The following CLN6 variants were observed in gnomAD, a reference collection of about 807,000 sequenced individuals.
CLN6 encodes the protein CLN6 transmembrane ER protein.
In CLN6, 22 loss-of-function variants were observed where a neutral mutation model predicts 33.3. The observed-to-expected ratio is 0.66, with a 90% CI of 0.47 to 0.94. CLN6 has a LOEUF of 0.94. Among genes scored for constraint, CLN6 ranks in the 40% least tolerant of loss-of-function variants. The pLI is 0.00. For missense variants in CLN6, 387 were observed against 417.1 expected, an observed-to-expected ratio of 0.93 and a Z score of 0.63; for synonymous variants, 201 against 174.6, an observed-to-expected ratio of 1.15 and a Z score of -1.19.
In CLN6 at chr15:68,209,844, T is replaced by C; in HGVS notation, c.543-85A>G. ...CTGCAACCACTCCCATGGGGTCTCA[T>C]GGAGTGCCACGTCACAGTTTACAAA... On this transcript the variant is annotated intron_variant, in intron 5 of 6. Coordinates refer to ENST00000249806, the MANE Select transcript of CLN6 (RefSeq NM_017882.3). This position sits in a 1 kb window ranked among gnomAD's most constrained non-coding sequence, Gnocchi z 4.9. The C allele has an allele frequency of 3.2e-6, 5 of 1,566,010 alleles. No individual in the cohort carries two copies. The highest frequency in any genetic ancestry group is 4.4e-6 in the Non-Finnish European group (5 of 1,143,538).
At chr15:68,237,142 C>T (rs1056400150) in intron 1 of CLN6, among the ~76,000 whole-genome samples, 2 of 122,142 alleles carry the variant, frequency 1.6e-5, no homozygotes, top group African/African-American at 3.3e-5. Flanking sequence ...CCGGCCTGGG[C>T]GACAGAGCGA....
Position 68,227,022 on chromosome 15 carries a change from C to T in CLN6, c.83+2480G>A, listed in dbSNP as rs2093254210. ...TTTATCACGGGCACTAATTATAATA[C>T]TTTCTTTTCTTTTCTTTTTTTACTT... is the stretch of plus-strand genomic sequence containing the variant. On this transcript the variant is annotated intron_variant, in intron 1 of 6. Coordinates refer to ENST00000249806, the MANE Select transcript of CLN6 (RefSeq NM_017882.3). This position sits in a 1 kb window ranked among gnomAD's most constrained non-coding sequence, Gnocchi z 4.1. Among the ~76,000 whole-genome samples the T allele has an allele frequency of 6.6e-6, 1 of 151,546 alleles. No homozygotes were observed. The highest frequency in any genetic ancestry group is 1.5e-5 in the Non-Finnish European group (1 of 67,884).
At position 68,211,958 on chromosome 15, in the gene CLN6, G is replaced by A. The variant is rs1295924163; in HGVS notation, c.298-95C>T. The A allele has an allele frequency of 1.5e-5, 19 of 1,274,448 alleles. No individual in the cohort carries two copies. Among genetic ancestry groups the A allele is most frequent in the Non-Finnish European group, 1.8e-5 (16 of 905,694 alleles). 78.9% of individuals were successfully genotyped at this position (1,274,448 alleles called of 1,614,324 possible). A position where few individuals can be genotyped will look rare whatever the true frequency, so the allele number is the denominator to read the frequency against. The stretch of plus-strand genomic sequence containing the variant: ...CCCTCACACCTGGGGTGGGATGGAC[G>A]CTTCCAGCTGGAATGTCACTCCAAA... On this transcript the variant is annotated intron_variant, in intron 3 of 6. Transcript: ENST00000249806. This position sits in a 1 kb window ranked among gnomAD's most constrained non-coding sequence, Gnocchi z 5.9.
chr15:68,254,080 C>T (rs541340055), intron 1 of CLN6, among the ~76,000 whole-genome samples: 3 of 150,926 alleles, frequency 2.0e-5, no homozygotes, highest in Admixed American at 1.3e-4. Flanking sequence ...GGGGTTTCAC[C>T]GTGTTAGCCA....
At chr15:68,237,271 G>C (rs1892230018) in intron 1 of CLN6, among the ~76,000 whole-genome samples, 2 of 151,172 alleles carry the variant, frequency 1.3e-5, no homozygotes, top group Admixed American at 6.6e-5. Flanking sequence ...CTTGAGGCTA[G>C]GAGTTCAAGA....
At chr15:68,221,429 G>A (rs963369105) in intron 1 of CLN6, among the ~76,000 whole-genome samples, 8 of 151,844 alleles carry the variant, frequency 5.3e-5, no homozygotes, top group African/African-American at 1.5e-4. Flanking sequence ...ACGGGGTTTC[G>A]CCGTGTTGAC....
At chr15:68,222,344 G>C (rs1255161507) in intron 1 of CLN6, among the ~76,000 whole-genome samples, 2 of 147,720 alleles carry the variant, frequency 1.4e-5, no homozygotes, top group African/African-American at 2.5e-5. Context: ...GTCTGTCTGG[G>C]AGGTGAGAAG....
At chr15:68,245,099 C>G (rs1595831069) in intron 1 of CLN6, among the ~76,000 whole-genome samples, 1 of 144,792 alleles carries the variant, frequency 6.9e-6, no homozygotes, top group Non-Finnish European at 1.5e-5. Flanking sequence ...AACAAATAGT[C>G]AAAATGTGGG....
At chr15:68,239,384 A>G (rs1892261750) in intron 1 of CLN6, among the ~76,000 whole-genome samples, 2 of 152,212 alleles carry the variant, frequency 1.3e-5, no homozygotes, top group South Asian at 2.1e-4. Flanking sequence ...GAAAAAAGAT[A>G]TAACAGGCAA....
chr15:68,250,237 A>G (rs1278567275), intron 1 of CLN6, among the ~76,000 whole-genome samples: 1 of 152,168 alleles, frequency 6.6e-6, no homozygotes. Context: ...TTATATATCA[A>G]TGAAAAATAA....
rs1033148422 is a variant in CLN6 at position 68,246,943 on chromosome 15, G to T, written c.179+9747C>A. Among the ~76,000 whole-genome samples, 3 of 152,164 alleles carry T rather than the reference G, an allele frequency of 2.0e-5. No homozygotes were observed. Among genetic ancestry groups the T allele is most frequent in the Non-Finnish European group, 4.4e-5 (3 of 68,002 alleles). ...GGCCAAGGTGGGCAGATCACTTTAG[G>T]TCAGGAGTTCGAGACCAGCCTGGCC... On this transcript the variant is annotated intron_variant, in intron 1 of 6. Coordinates refer to the CLN6 transcript ENST00000538696. The surrounding 1 kb of genome is among the most constrained non-coding windows in gnomAD (Gnocchi z 4.5).
chr15:68,211,634 G>A lies in CLN6; in HGVS notation c.486+41C>T. 6.2e-7 allele frequency: 1 copy of A among 1,610,988 alleles called. No homozygotes were observed. Among genetic ancestry groups the A allele is most frequent in the Non-Finnish European group, 8.5e-7 (1 of 1,179,978 alleles). On this transcript the variant is annotated intron_variant, in intron 4 of 6. Transcript: ENST00000249806. This position sits in a 1 kb window ranked among gnomAD's most constrained non-coding sequence, Gnocchi z 5.9. ...TCTTCAGCCTCCCAGGACAGACTGTGCTCCTAGGGCTTACAGGCAGGGAGC... is the reference window on the plus strand; with the variant it reads ...TCTTCAGCCTCCCAGGACAGACTGTACTCCTAGGGCTTACAGGCAGGGAGC...
chr15:68,222,106 C>T (rs1416296678), intron 1 of CLN6, among the ~76,000 whole-genome samples: 9 of 141,568 alleles, frequency 6.4e-5, no homozygotes, highest in South Asian at 2.3e-4. Context: ...CCGGCCGCCC[C>T]GTCTGGGATG....
At chr15:68,234,722 A>G (rs550861882), upstream of CLN6, among the ~76,000 whole-genome samples, 7 of 152,182 alleles carry the variant, frequency 4.6e-5, no homozygotes, top group South Asian at 1.5e-3. The surrounding 1 kb of genome is among the most constrained non-coding windows in gnomAD (Gnocchi z 4.1). Flanking sequence ...TTTCACTCTT[A>G]ACAGTTGACA....
Position 68,209,043 on chromosome 15 carries a change from C to T in CLN6, c.665+594G>A, listed in dbSNP as rs1469404570. 6.6e-6 allele frequency among the ~76,000 whole-genome samples: 1 copy of T among 152,210 alleles called. No homozygotes were observed. The highest frequency in any genetic ancestry group is 1.5e-5 in the Non-Finnish European group (1 of 68,036). On this transcript the variant is annotated intron_variant, in intron 6 of 6. Transcript: ENST00000249806. The surrounding 1 kb of genome is among the most constrained non-coding windows in gnomAD (Gnocchi z 4.9). ...CCCACAATCCCAGGGTGACCTGTCT[C>T]CAGGGCAGAAGTGACAGACGAGGGC...
In CLN6 at chr15:68,247,197, A is replaced by G. The variant is rs563981274; in HGVS notation, c.179+9493T>C. Among the ~76,000 whole-genome samples the G allele has an allele frequency of 6.6e-6, 1 of 152,276 alleles. No individual in the cohort carries two copies. The highest frequency in any genetic ancestry group is 6.5e-5 in the Admixed American group (1 of 15,300). On this transcript the variant is annotated intron_variant, in intron 1 of 6. Coordinates refer to the CLN6 transcript ENST00000538696. This position sits in a 1 kb window ranked among gnomAD's most constrained non-coding sequence, Gnocchi z 4.2. ...CAAGAGAAAGAAATAAAGAGAATCC[A>G]ATTTGGAAAGGAAGAATTCAAATTA...
rs1376353863 is a variant in CLN6 at position 68,242,209 on chromosome 15, G to A, written c.179+14481C>T. Among the ~76,000 whole-genome samples the A allele has an allele frequency of 3.3e-5, 5 of 151,910 alleles. No homozygotes were observed. Among genetic ancestry groups the A allele is most frequent in the African/African-American group, 7.3e-5 (3 of 41,360 alleles). On this transcript the variant is annotated intron_variant, in intron 1 of 6. Coordinates refer to the CLN6 transcript ENST00000538696. This position sits in a 1 kb window ranked among gnomAD's most constrained non-coding sequence, Gnocchi z 5.0. ...ACAAGATAATACAGAAAATCAATTC[G>A]GAATTTATTAAATTTAACAAAGATT...
chr15:68,255,618 T>C (rs570414643), intron 1 of CLN6, among the ~76,000 whole-genome samples: 23 of 152,358 alleles, frequency 1.5e-4, no homozygotes, highest in Non-Finnish European at 2.9e-4. Context: ...AGTTTGAAAG[T>C]CACTGCATAT....
chr15:68,212,373 T>C (rs2093208703), intron 3 of CLN6: 1 of 162,332 alleles, frequency 6.2e-6, no homozygotes, highest in African/African-American at 2.4e-5. Context: ...ATACCCCTCC[T>C]ACTTCTGGAG....
Sources: gnomAD v4.1 joint callset for allele counts (sites outside exome capture counted in the v4.1 genomes callset) on GRCh38, gnomAD v4.1.1 for gene constraint, Gnocchi (gnomAD v3.1) non-coding constraint, MANE v1.5 for transcripts, NCBI Gene and HGNC (gene_info 2026-07-23, HGNC 2026-07-21) for gene names.